ROBO2: variants seen among roughly 807,000 people sequenced by gnomAD.
The protein encoded by ROBO2 is roundabout guidance receptor 2.
A neutral mutation model predicts 160.8 loss-of-function variants in ROBO2; 53 were observed. The ratio of observed to expected loss-of-function variants is 0.33; its 90% CI spans 0.26 to 0.41. The LOEUF (loss-of-function observed/expected upper bound fraction) is 0.41. ROBO2 is among the 10% of genes least tolerant of loss of function. ROBO2 has a pLI of 1.00. For missense variants in ROBO2, 1,577 were observed against 1,722.4 expected, an observed-to-expected ratio of 0.92 and a Z score of 1.49; for synonymous variants, 664 against 611.7, an observed-to-expected ratio of 1.09 and a Z score of -1.26.
chr3:77,021,046 T>C (rs2062599645), intron 2 of ROBO2, among the ~76,000 whole-genome samples: 1 of 151,900 alleles, frequency 6.6e-6, no homozygotes, highest in South Asian at 2.1e-4. Flanking sequence ...CTCTATGAAA[T>C]ATTTTTTAAA....
intron 2 of ROBO2, among the ~76,000 whole-genome samples, chr3:76,710,795 A>C: frequency 6.6e-6 from 1 of 152,210 alleles, no homozygotes. Flanking sequence ...TGAGCTAAAG[A>C]TATAACAGAT....
At chr3:77,610,741 CAA>C (rs71629658) in intron 21 of ROBO2, among the ~76,000 whole-genome samples, 4 of 19,828 alleles carry the variant, frequency 2.0e-4, no homozygotes, top group Admixed American at 1.0e-3. Flanking sequence ...GGCCAAAGAC[CAA>C]AAAAAAAAAA....
intron 2 of ROBO2, among the ~76,000 whole-genome samples, chr3:77,190,544 CG>C (rs2081740230): frequency 6.6e-6 from 1 of 151,776 alleles, no homozygotes; most frequent in Admixed American, 6.6e-5. Flanking sequence ...ACTTTTTTTA[CG>C]AGAAAACAGT....
At chr3:76,190,319 C>G (rs1352251321) in intron 2 of ROBO2, among the ~76,000 whole-genome samples, 1 of 152,030 alleles carries the variant, frequency 6.6e-6, no homozygotes, top group Non-Finnish European at 1.5e-5. Context: ...AATAGTGAAT[C>G]TCTTTTAAAT....
intron 2 of ROBO2, among the ~76,000 whole-genome samples, chr3:76,203,705 T>C (rs2107271440): frequency 6.6e-6 from 1 of 151,332 alleles, no homozygotes; most frequent in African/African-American, 2.4e-5. Context: ...CTGAGTGAGA[T>C]TGCCTCAGGC....
intron 2 of ROBO2, among the ~76,000 whole-genome samples, chr3:76,024,353 G>A (rs1331301086): frequency 7.3e-6 from 1 of 136,298 alleles, no homozygotes; most frequent in Admixed American, 8.2e-5. Context: ...GTTAACTCAT[G>A]TTTATGTTTT....
At chr3:76,540,484 A>T (rs2082754109) in intron 2 of ROBO2, among the ~76,000 whole-genome samples, 1 of 152,232 alleles carries the variant, frequency 6.6e-6, no homozygotes, top group Admixed American at 6.5e-5. Flanking sequence ...AACTGCTTCC[A>T]TTGCAGAAAT....
intron 2 of ROBO2, among the ~76,000 whole-genome samples, chr3:77,434,761 T>C (rs2079118381): frequency 6.6e-6 from 1 of 152,262 alleles, no homozygotes; most frequent in South Asian, 2.1e-4. Context: ...ACAGTGTTTT[T>C]GGTGTTAAGG....
chr3:76,556,786 T>C (rs1397472342), intron 2 of ROBO2, among the ~76,000 whole-genome samples: 3 of 152,148 alleles, frequency 2.0e-5, no homozygotes, highest in Admixed American at 6.5e-5. Context: ...CAAGTTATTA[T>C]GCATTTTTAA....
intron 1 of ROBO2, among the ~76,000 whole-genome samples, chr3:75,929,165 G>C (rs1947418584): frequency 8.1e-6 from 1 of 123,442 alleles, no homozygotes; most frequent in South Asian, 3.0e-4. Context: ...TCTGCAGCTG[G>C]ATAAGACGTG....
At chr3:77,631,807 A>G (rs1037758621) in intron 23 of ROBO2, 1 of 152,134 alleles carries the variant, frequency 6.6e-6, no homozygotes, top group Non-Finnish European at 1.5e-5. Flanking sequence ...AAATATCAGT[A>G]TTAAAGAGAA....
chr3:76,714,976 A>G (rs1284117733), intron 2 of ROBO2, among the ~76,000 whole-genome samples: 2 of 152,162 alleles, frequency 1.3e-5, no homozygotes, highest in Non-Finnish European at 2.9e-5. Context: ...CCAAGCTCAT[A>G]AACATTATTT....
At chr3:76,762,012 GT>G (rs11364896) in intron 2 of ROBO2, among the ~76,000 whole-genome samples, 121,421 of 148,856 alleles carry the variant, frequency 0.82, 49,533 homozygotes, top group Admixed American at 0.85. Context: ...GAGAAAAACA[GT>G]TTTTTTTTTT....
At chr3:76,862,904 A>G (rs1035980248) in intron 2 of ROBO2, among the ~76,000 whole-genome samples, 1 of 152,084 alleles carries the variant, frequency 6.6e-6, no homozygotes, top group Admixed American at 6.6e-5. Flanking sequence ...TTCTCTCTCC[A>G]TTGCCTTTAC....
At chr3:76,658,220 A>G (rs1162158642) in intron 2 of ROBO2, among the ~76,000 whole-genome samples, 1 of 151,750 alleles carries the variant, frequency 6.6e-6, no homozygotes, top group Non-Finnish European at 1.5e-5. Context: ...AGTCACTATT[A>G]TCTCTTTTTT....
exon 25 of ROBO2, chr3:77,644,800 G>C: frequency 6.2e-7 from 1 of 1,614,032 alleles, no homozygotes; most frequent in South Asian, 1.1e-5. Flanking sequence ...ACTGGACCTA[G>C]GAAAACCGAG....
Position 76,464,684 on chromosome 3 carries a change from A to G in ROBO2, c.109+527082A>G, listed in dbSNP as rs1230805329. 3.7e-4 allele frequency among the ~76,000 whole-genome samples: 57 copies of G among 152,150 alleles called. 2 individuals carry two copies. Among genetic ancestry groups the G allele is most frequent in the Non-Finnish European group, 4.4e-5 (3 of 68,024 alleles). The stretch of plus-strand genomic sequence containing the variant: ...AAACTAAATAACCAAAATATAAAAA[A>G]CTAATTTCTCCCTGGAAATGAGGGA... On this transcript the variant is annotated intron_variant, in intron 2 of 26. Transcript: ENST00000487694.
At chr3:76,303,408 G>A (rs375634615) in intron 2 of ROBO2, among the ~76,000 whole-genome samples, 12 of 151,778 alleles carry the variant, frequency 7.9e-5, no homozygotes, top group Non-Finnish European at 1.5e-4. Flanking sequence ...AACCCAGAAC[G>A]CATAAACTTT....
intron 2 of ROBO2, among the ~76,000 whole-genome samples, chr3:76,395,648 C>T (rs185332448): frequency 0.18 from 27,830 of 151,692 alleles, 2,989 homozygotes; most frequent in African/African-American, 0.29. Flanking sequence ...ATATCACAAC[C>T]GATCCCACAG....
Sources: gnomAD v4.1 joint callset for allele counts (sites outside exome capture counted in the v4.1 genomes callset) on GRCh38, gnomAD v4.1.1 for gene constraint, MANE v1.5 for transcripts, NCBI Gene and HGNC (gene_info 2026-07-23, HGNC 2026-07-21) for gene names.